The following SLC1A3 variants were observed in gnomAD, a reference collection of about 807,000 sequenced individuals.
The protein encoded by SLC1A3 is solute carrier family 1 member 3.
In SLC1A3, 21 loss-of-function variants were observed where a neutral mutation model predicts 48.1. The ratio of observed to expected loss-of-function variants is 0.44; its 90% CI spans 0.31 to 0.63. The LOEUF is 0.63. Among genes scored for constraint, SLC1A3 ranks in the 20% least tolerant of loss-of-function variants. The pLI is 0.08. For missense variants in SLC1A3, 546 were observed against 689.0 expected (o/e 0.79, Z 2.32); for synonymous variants, 239 against 251.4 (o/e 0.95, Z 0.47).
At chr5:36,604,853 C>T (rs556638441), upstream of SLC1A3, among the ~76,000 whole-genome samples, 14 of 142,504 alleles carry the variant, frequency 9.8e-5, no homozygotes, top group East Asian at 2.8e-3. Context: ...ATTTCTCTTT[C>T]GAGTTCCCTT....
At chr5:36,611,365 T>C (rs1055813078) in intron 2 of SLC1A3, among the ~76,000 whole-genome samples, 6 of 151,124 alleles carry the variant, frequency 4.0e-5, no homozygotes, top group African/African-American at 1.5e-4. Flanking sequence ...TTTTGCCTTT[T>C]TGAAATAAAA....
At chr5:36,680,080 G>A (rs770897085) in intron 7 of SLC1A3, among the ~76,000 whole-genome samples, 36 of 152,116 alleles carry the variant, frequency 2.4e-4, no homozygotes, top group Admixed American at 3.3e-4. Flanking sequence ...ATCCTTTCCC[G>A]TCCACTTCAT....
intron 6 of SLC1A3, among the ~76,000 whole-genome samples, chr5:36,678,444 A>G (rs1026418215): frequency 6.6e-6 from 1 of 152,222 alleles, no homozygotes. Flanking sequence ...TGAATCTCAC[A>G]TGCAGCTTGT....
intron 2 of SLC1A3, among the ~76,000 whole-genome samples, chr5:36,628,272 A>G (rs1739991805): frequency 6.6e-6 from 1 of 152,190 alleles, no homozygotes; most frequent in African/African-American, 2.4e-5. Flanking sequence ...CCAAGAATTG[A>G]AATTGGAGTT....
rs1274564686 is a variant in SLC1A3 at position 36,687,712 on chromosome 5, A to G, written c.*1443A>G. 6.6e-6 allele frequency: 1 copy of G among 152,580 alleles called. No homozygotes were observed. Among genetic ancestry groups the G allele is most frequent in the Non-Finnish European group, 1.5e-5 (1 of 68,026 alleles). The allele number at this position is 152,580 out of a possible 1,614,324, so 9.5% of individuals were successfully genotyped here. A position where few individuals can be genotyped will look rare whatever the true frequency, so the allele number is the denominator to read the frequency against. The stretch of plus-strand genomic sequence containing the variant: ...GTTTGCTTTTGTTTTGTTTGTGTCC[A>G]TAAGAGAAATGGTAGAAGATGAATC... On this transcript the variant is annotated 3_prime_UTR_variant, in exon 10 of 10. Transcript: ENST00000265113.
intron 2 of SLC1A3, among the ~76,000 whole-genome samples, chr5:36,610,006 C>T (rs938519506): frequency 1.3e-5 from 2 of 152,186 alleles, no homozygotes; most frequent in Non-Finnish European, 2.9e-5. Context: ...TATTAGCTCA[C>T]TTAATCCTCA....
At chr5:36,681,847 A>G (rs565037834) in intron 8 of SLC1A3, among the ~76,000 whole-genome samples, 5 of 152,270 alleles carry the variant, frequency 3.3e-5, no homozygotes, top group African/African-American at 7.2e-5. Context: ...TTAAAAGTAC[A>G]TTTTGGAGAG....
chr5:36,673,899 C>T, intron 4 of SLC1A3, 150 bp from the exon 5 acceptor site: 1 of 700,316 alleles, frequency 1.4e-6, no homozygotes, highest in Admixed American at 2.1e-5. Flanking sequence ...ACCATATATT[C>T]TTTTCAAGCT....
At chr5:36,684,081 C>G in intron 9 of SLC1A3, 83 bp downstream of exon 9, 1 of 1,545,096 alleles carries the variant, frequency 6.5e-7, no homozygotes, top group South Asian at 1.1e-5. Flanking sequence ...CCTGGCACAT[C>G]TACAGAAAGA....
intron 9 of SLC1A3, among the ~76,000 whole-genome samples, 187 bp downstream of exon 9, chr5:36,684,185 T>C (rs1742553017): frequency 6.6e-6 from 1 of 152,260 alleles, no homozygotes; most frequent in Non-Finnish European, 1.5e-5. Context: ...AGATGCCATG[T>C]GCACTCACTC....
At chr5:36,607,486 T>A (rs1738999652) in intron 1 of SLC1A3, among the ~76,000 whole-genome samples, 3 of 152,200 alleles carry the variant, frequency 2.0e-5, no homozygotes, top group South Asian at 2.1e-4. Flanking sequence ...AACCACAAGC[T>A]GTAATGTTTG....
At chr5:36,633,404 G>A (rs549988971) in intron 3 of SLC1A3, among the ~76,000 whole-genome samples, 1 of 152,262 alleles carries the variant, frequency 6.6e-6, no homozygotes, top group Non-Finnish European at 1.5e-5. Flanking sequence ...GTCAACACGA[G>A]TAAAAGCAAC....
intron 2 of SLC1A3, among the ~76,000 whole-genome samples, chr5:36,625,193 C>A (rs775839691): frequency 7.9e-5 from 12 of 152,366 alleles, no homozygotes; most frequent in Admixed American, 2.0e-4. Flanking sequence ...TACAGTGGCT[C>A]ACGCCTGTAA....
chr5:36,608,063 C>T (rs4591778), intron 1 of SLC1A3: 47,704 of 229,694 alleles, frequency 0.21, 6,839 homozygotes, highest in African/African-American at 0.44. Context: ...TCAGATCTAG[C>T]TCTGAAGAAC....
Position 36,686,071 on chromosome 5 carries a change from C to T in SLC1A3, c.1431C>T (p.Arg477=), listed in dbSNP as rs1302929139. 7 of 1,614,080 alleles carry T rather than the reference C, an allele frequency of 4.3e-6. No individual in the cohort carries two copies. Among genetic ancestry groups the T allele is most frequent in the Middle Eastern group, 1.7e-4 (1 of 6,018 alleles). ...LIIAVDWFLD[R]LRTTTNVLGD... ...CTCCCCACCCTGCCTGCAGGGATCG[C>T]CTCCGGACCACCACCAACGTACTGG... The change falls in exon 10 of 10, where the codon CGC becomes CGT. Residue 477 remains arginine (R), a synonymous_variant. Coordinates refer to ENST00000265113, the MANE Select transcript of SLC1A3 (RefSeq NM_004172.5).
rs111642071 is a variant in SLC1A3, at chr5:36,615,607, T to C, written c.181+7003T>C. ...ACTTTGCAGAAGCCCCTTCTGCCCT[T>C]CAGTCTCTGCCCATCTCTCATAAAT... On this transcript the variant is annotated intron_variant, in intron 2 of 9. Transcript: ENST00000265113. Among the ~76,000 whole-genome samples the C allele has an allele frequency of 3.0e-3, 457 of 152,340 alleles. 3 individuals carry two copies. The highest frequency in any genetic ancestry group is 0.011 in the African/African-American group (441 of 41,584).
At chr5:36,622,448 T>A (rs1739714749) in intron 2 of SLC1A3, among the ~76,000 whole-genome samples, 1 of 152,210 alleles carries the variant, frequency 6.6e-6, no homozygotes, top group South Asian at 2.1e-4. Context: ...CTCCAACATT[T>A]ACCAAAAGTT....
chr5:36,661,365 T>A (rs1001879799), intron 3 of SLC1A3, among the ~76,000 whole-genome samples: 1 of 152,204 alleles, frequency 6.6e-6, no homozygotes, highest in Non-Finnish European at 1.5e-5. Context: ...TAAGCTGAGA[T>A]CATGCCACTG....
intron 2 of SLC1A3, among the ~76,000 whole-genome samples, chr5:36,615,765 A>G (rs16903198): frequency 0.048 from 7,261 of 152,326 alleles, 614 homozygotes; most frequent in African/African-American, 0.17. Context: ...GGTACTTGAT[A>G]TTTATGGAAC....
Sources: gnomAD v4.1 joint callset for allele counts (sites outside exome capture counted in the v4.1 genomes callset) on GRCh38, gnomAD v4.1.1 for gene constraint, MANE v1.5 for transcripts, NCBI Gene and HGNC (gene_info 2026-07-23, HGNC 2026-07-21) for gene names.